The following KCNG2 variants were observed in gnomAD, a reference collection of about 807,000 sequenced individuals.
KCNG2 encodes the protein voltage-gated potassium channel regulatory subunit KCNG2.
KCNG2 carries 7 observed loss-of-function variants against 12.3 expected under a neutral mutation model. The ratio of observed to expected loss-of-function variants is 0.57; its 90% CI spans 0.32 to 1.07. The LOEUF (loss-of-function observed/expected upper bound fraction) is 1.07, where lower values mean the gene tolerates loss of function less well. Among genes scored for constraint, KCNG2 ranks in the 50% least tolerant of loss-of-function variants. KCNG2 has a pLI of 0.04. For synonymous variants in KCNG2, 414 were observed against 351.4 expected (o/e 1.18, Z -1.99); for missense variants, 703 against 726.0 (o/e 0.97, Z 0.36).
At position 79,841,451 on chromosome 18, in the gene KCNG2, G is replaced by A. The variant is rs182580641; in HGVS notation, c.-114-14928G>A. On this transcript the variant is annotated intron_variant, in intron 1 of 3. Transcript: ENST00000316249. ...TATTTTGCTCTGCAAAAGACCTTGT[G>A]TGAAGGTTTTAAAGATAAGCTGTAG... Among the ~76,000 whole-genome samples, 358 of 152,342 alleles carry A rather than the reference G, an allele frequency of 2.3e-3. 1 individual carries two copies. Among genetic ancestry groups the A allele is most frequent in the African/African-American group, 8.3e-3 (344 of 41,584 alleles).
chr18:79,832,941 G>A (rs749338205), intron 1 of KCNG2, among the ~76,000 whole-genome samples: 2 of 152,200 alleles, frequency 1.3e-5, no homozygotes, highest in Non-Finnish European at 2.9e-5. Context: ...CGTCCTTGCT[G>A]TCTGCTCCCC....
chr18:79,866,660 TGAGGTCTGGGTGCTGA>T (rs754843724), intron 3 of KCNG2, among the ~76,000 whole-genome samples: 29,173 of 105,434 alleles, frequency 0.28, 5,017 homozygotes, highest in Non-Finnish European at 0.38. Flanking sequence ...GTCTGGGTGC[TGAGGTCTGGGTGCTGA>T]GAGGTCTGGG....
intron 1 of KCNG2, among the ~76,000 whole-genome samples, chr18:79,839,403 T>C (rs1978393760): frequency 6.6e-6 from 1 of 152,224 alleles, no homozygotes; most frequent in Non-Finnish European, 1.5e-5. Context: ...CTGCATACCC[T>C]GTAGACATCA....
At chr18:79,878,265 G>A (rs147020975) in intron 3 of KCNG2, among the ~76,000 whole-genome samples, 53 of 149,966 alleles carry the variant, frequency 3.5e-4, no homozygotes, top group Admixed American at 2.7e-3. Flanking sequence ...TGCAGAGGGC[G>A]CCTGATGCCC....
At chr18:79,885,020 C>T (rs1427239210) in intron 3 of KCNG2, among the ~76,000 whole-genome samples, 1 of 152,172 alleles carries the variant, frequency 6.6e-6, no homozygotes, top group African/African-American at 2.4e-5. Context: ...GGTGCTTGCT[C>T]ACACCCCTCA....
intron 3 of KCNG2, among the ~76,000 whole-genome samples, chr18:79,893,607 G>A (rs1317084671): frequency 6.6e-6 from 1 of 152,012 alleles, no homozygotes; most frequent in South Asian, 2.1e-4. Flanking sequence ...AATTGATATA[G>A]CTGGATATGT....
chr18:79,802,917 G>A (rs192681682), intron 1 of KCNG2, among the ~76,000 whole-genome samples: 151 of 152,316 alleles, frequency 9.9e-4, no homozygotes, highest in African/African-American at 3.4e-3. Flanking sequence ...GGTGGCTCAC[G>A]CCTGTAATCC....
In KCNG2 at chr18:79,884,089, C is replaced by A. The variant is rs974071467; in HGVS notation, c.625-14951C>A. 5.9e-5 allele frequency among the ~76,000 whole-genome samples: 9 copies of A among 152,010 alleles called. No homozygotes were observed. Among genetic ancestry groups the A allele is most frequent in the African/African-American group, 2.2e-4 (9 of 41,384 alleles). ...TCCCAGTGCCTCCCGGAGGCTGGGC[C>A]CTCTTCTCCCACCAGCCTCCCGCCT... On this transcript the variant is annotated intron_variant, in intron 3 of 3. Coordinates refer to ENST00000316249, the MANE Select transcript of KCNG2 (RefSeq NM_012283.2). The surrounding 1 kb of genome is among the most constrained non-coding windows in gnomAD (Gnocchi z 5.5).
At chr18:79,837,080 T>C (rs776816549) in intron 1 of KCNG2, among the ~76,000 whole-genome samples, 4 of 152,190 alleles carry the variant, frequency 2.6e-5, no homozygotes, top group Non-Finnish European at 4.4e-5. Context: ...AGTTAGATAC[T>C]TCCAAGATAA....
intron 1 of KCNG2, among the ~76,000 whole-genome samples, chr18:79,854,613 A>T (rs11081568): frequency 5.4e-4 from 82 of 150,490 alleles, no homozygotes; most frequent in African/African-American, 1.9e-3. Flanking sequence ...TGCAAGCTCC[A>T]CCTCCCGGGT....
In KCNG2 at chr18:79,798,736, C is replaced by T. The variant is rs139441984; in HGVS notation, c.-115+722C>T. Among the ~76,000 whole-genome samples the T allele has an allele frequency of 1.4e-3, 216 of 152,332 alleles. 3 individuals carry two copies. In the East Asian group the frequency reaches 0.04, roughly 28 times the overall value. On this transcript the variant is annotated intron_variant, in intron 1 of 3. Coordinates refer to ENST00000316249, the MANE Select transcript of KCNG2 (RefSeq NM_012283.2). ...GGAGCTCCCAGCCTTGCCCGCCGAG[C>T]GCAGCCCGGGTCCGGACTGTGGTCA...
At chr18:79,817,714 C>A (rs1288411171) in intron 1 of KCNG2, among the ~76,000 whole-genome samples, 2 of 152,258 alleles carry the variant, frequency 1.3e-5, no homozygotes, top group Non-Finnish European at 2.9e-5. Context: ...TCCCTCCACA[C>A]CTCCCACCTT....
At chr18:79,802,817 AT>A (rs1450840409) in intron 1 of KCNG2, among the ~76,000 whole-genome samples, 1 of 152,096 alleles carries the variant, frequency 6.6e-6, no homozygotes, top group Non-Finnish European at 1.5e-5. Context: ...ATATCGGTAC[AT>A]TTTATTTAAC....
At chr18:79,820,045 G>A (rs561852476) in intron 1 of KCNG2, among the ~76,000 whole-genome samples, 1 of 152,334 alleles carries the variant, frequency 6.6e-6, no homozygotes, top group African/African-American at 2.4e-5. Flanking sequence ...CGAAGGAGGT[G>A]CGTGTCAGAA....
chr18:79,824,823 G>C (rs138491937), intron 1 of KCNG2, among the ~76,000 whole-genome samples: 1 of 152,034 alleles, frequency 6.6e-6, no homozygotes, highest in Admixed American at 6.5e-5. Context: ...CTACTTTGTC[G>C]CAGTATTTTT....
chr18:79,877,055 G>T (rs1477026329), intron 3 of KCNG2, among the ~76,000 whole-genome samples: 1 of 152,210 alleles, frequency 6.6e-6, no homozygotes, highest in Non-Finnish European at 1.5e-5. Flanking sequence ...CTAGGCAAAG[G>T]CCTGTTGTGC....
At chr18:79,877,113 T>G (rs992836641) in intron 3 of KCNG2, among the ~76,000 whole-genome samples, 2 of 152,280 alleles carry the variant, frequency 1.3e-5, no homozygotes, top group African/African-American at 4.8e-5. Flanking sequence ...ATTCTGCTTT[T>G]CTGTCTTCAT....
intron 3 of KCNG2, chr18:79,876,303 G>C (rs67045798): frequency 0.13 from 20,096 of 152,602 alleles, 1,617 homozygotes; most frequent in East Asian, 0.36. Context: ...GTCTCCGAAG[G>C]GCCCCAGCCA....
At position 79,864,207 on chromosome 18, in the gene KCNG2, C is replaced by T. The variant is rs368055483; in HGVS notation, c.540C>T (p.Ala180=). 3.0e-5 allele frequency: 47 copies of T among 1,544,466 alleles called. 2 individuals are homozygous for T. The African/African-American group carries it at 4.0e-4, about 13-fold the overall frequency. The stretch of plus-strand genomic sequence containing the variant: ...CGGGGCTGGCGGGCAAGCTCTTCGC[C>T]TGCGTGTCCGTGTCCTTCGTGGCCG... ...PHSGLAGKLF[A]CVSVSFVAVT... The change falls in exon 3 of 4, where the codon GCC becomes GCT. Residue 180 remains alanine (A), a synonymous_variant. Transcript: ENST00000316249.
Sources: gnomAD v4.1 joint callset for allele counts (sites outside exome capture counted in the v4.1 genomes callset) on GRCh38, gnomAD v4.1.1 for gene constraint, Gnocchi (gnomAD v3.1) non-coding constraint, MANE v1.5 for transcripts, NCBI Gene and HGNC (gene_info 2026-07-23, HGNC 2026-07-21) for gene names.